The following KCNK13 variants were observed in gnomAD, a reference collection of about 807,000 sequenced individuals.
KCNK13 encodes the protein potassium two pore domain channel subfamily K member 13, also known as potassium channel subfamily K member 13.
Under a neutral mutation model 23.4 loss-of-function variants are expected in KCNK13, and 12 were observed. That is an observed-to-expected ratio of 0.51 (90% confidence interval 0.33 to 0.83). The LOEUF is 0.83. Ranked by LOEUF, KCNK13 falls within the 40% of genes least tolerant of loss-of-function variation. The pLI, the probability that KCNK13 is intolerant of heterozygous loss-of-function variation, is 0.02. For synonymous variants in KCNK13, 231 were observed against 229.5 expected (o/e 1.01, Z -0.06); for missense variants, 463 against 556.3 (o/e 0.83, Z 1.69).
chr14:90,147,346 G>A lies in KCNK13; in HGVS notation c.335-36765G>A, dbSNP rs146102867. Reference sequence around the variant, plus strand: ...TAGCTCATTGCAACCCTAAACTCCTGGGCTCAAGCGATCCCCCCTCAGCCT... The same window carrying A: ...TAGCTCATTGCAACCCTAAACTCCTAGGCTCAAGCGATCCCCCCTCAGCCT... On this transcript the variant is annotated intron_variant, in intron 1 of 1. Coordinates refer to ENST00000282146, the MANE Select transcript of KCNK13 (RefSeq NM_022054.4). Among the ~76,000 whole-genome samples the A allele has an allele frequency of 6.8e-3, 1,033 of 152,116 alleles. 12 individuals are homozygous for A. The highest frequency in any genetic ancestry group is 0.023 in the African/African-American group (951 of 41,474).
chr14:90,142,783 T>C (rs1321156004), intron 1 of KCNK13, among the ~76,000 whole-genome samples: 2 of 152,162 alleles, frequency 1.3e-5, no homozygotes. Context: ...AACAAACAGG[T>C]TTATTAACAT....
At chr14:90,141,916 G>A (rs1890012479) in intron 1 of KCNK13, among the ~76,000 whole-genome samples, 1 of 151,980 alleles carries the variant, frequency 6.6e-6, no homozygotes, top group African/African-American at 2.4e-5. Flanking sequence ...CCAAGTAGCT[G>A]GGACTACAGG....
chr14:90,174,385 C>T (rs778148701), intron 1 of KCNK13, among the ~76,000 whole-genome samples: 1 of 152,156 alleles, frequency 6.6e-6, no homozygotes, highest in African/African-American at 2.4e-5. Flanking sequence ...ATGAGAACAG[C>T]ATGGAGGAAA....
intron 1 of KCNK13, among the ~76,000 whole-genome samples, chr14:90,073,409 A>T (rs532464365): frequency 4.7e-4 from 71 of 152,138 alleles, no homozygotes; most frequent in Non-Finnish European, 5.6e-4. Flanking sequence ...CAGGACTTTC[A>T]TCTCCAATTC....
intron 1 of KCNK13, among the ~76,000 whole-genome samples, chr14:90,162,050 C>T (rs1032021440): frequency 2.4e-4 from 37 of 152,030 alleles, no homozygotes; most frequent in African/African-American, 5.1e-4. Context: ...CGTGGCAGTG[C>T]GCACCTGTGG....
In KCNK13 at chr14:90,140,887, G is replaced by A. The variant is rs58030039; in HGVS notation, c.335-43224G>A. Among the ~76,000 whole-genome samples, 1,166 of 152,326 alleles carry A rather than the reference G, an allele frequency of 7.7e-3. 7 individuals are homozygous for A. The highest frequency in any genetic ancestry group is 0.026 in the African/African-American group (1,096 of 41,558). ...AGGAAGTAAATGATGGCAACTTAAA[G>A]GCAACATGTGGCAGAGGGGACCTGA... On this transcript the variant is annotated intron_variant, in intron 1 of 1. Transcript: ENST00000282146.
chr14:90,130,451 C>T (rs1320615992), intron 1 of KCNK13, among the ~76,000 whole-genome samples: 2 of 151,860 alleles, frequency 1.3e-5, no homozygotes, highest in East Asian at 2.0e-4. Context: ...CTGCCCGCCT[C>T]GGCCTCCCAA....
intron 1 of KCNK13, among the ~76,000 whole-genome samples, chr14:90,183,174 G>T (rs1197579659): frequency 6.6e-6 from 1 of 152,156 alleles, no homozygotes; most frequent in Non-Finnish European, 1.5e-5. Context: ...CAGGAGGGTG[G>T]AAATGTGAAC....
intron 1 of KCNK13, among the ~76,000 whole-genome samples, chr14:90,078,767 G>A (rs1469452557): frequency 6.6e-6 from 1 of 152,184 alleles, no homozygotes; most frequent in East Asian, 1.9e-4. Context: ...CTTCAATTAA[G>A]TAAGAACATT....
At chr14:90,099,781 G>T (rs895524549) in intron 1 of KCNK13, among the ~76,000 whole-genome samples, 7 of 152,192 alleles carry the variant, frequency 4.6e-5, no homozygotes, top group African/African-American at 1.7e-4. Context: ...AATTCTTCAC[G>T]AGGATCTGGG....
chr14:90,076,988 T>G (rs1364109325), intron 1 of KCNK13, among the ~76,000 whole-genome samples: 4 of 151,836 alleles, frequency 2.6e-5, no homozygotes, highest in Non-Finnish European at 5.9e-5. Context: ...CCTGGCTAAT[T>G]TTTTGTATTT....
At chr14:90,172,567 G>A (rs552772463) in intron 1 of KCNK13, among the ~76,000 whole-genome samples, 37 of 152,240 alleles carry the variant, frequency 2.4e-4, no homozygotes, top group Middle Eastern at 3.4e-3. Flanking sequence ...TTATTGTATT[G>A]TCTGAGTGGT....
At chr14:90,168,707 T>C (rs1276974269) in intron 1 of KCNK13, among the ~76,000 whole-genome samples, 1 of 152,244 alleles carries the variant, frequency 6.6e-6, no homozygotes, top group Non-Finnish European at 1.5e-5. Flanking sequence ...AGGGGATTTC[T>C]TGGCATACTA....
chr14:90,091,055 C>G (rs1158441461), intron 1 of KCNK13, among the ~76,000 whole-genome samples: 1 of 152,210 alleles, frequency 6.6e-6, no homozygotes, highest in East Asian at 1.9e-4. Context: ...CTATGTTTGA[C>G]CTCTTTCCTG....
intron 1 of KCNK13, among the ~76,000 whole-genome samples, chr14:90,073,070 C>G (rs902095347): frequency 4.6e-5 from 7 of 152,166 alleles, no homozygotes; most frequent in Admixed American, 1.3e-4. Flanking sequence ...TCCCTTCAAA[C>G]CTTACACTCT....
chr14:90,076,945 G>A (rs973817768), intron 1 of KCNK13, among the ~76,000 whole-genome samples: 2 of 151,768 alleles, frequency 1.3e-5, no homozygotes, highest in East Asian at 1.9e-4. Context: ...TCAGCCTCCC[G>A]AGTAGCTGGG....
rs776561168 is a variant in KCNK13 at position 90,185,109 on chromosome 14, G to A, written c.*106G>A. On this transcript the variant is annotated 3_prime_UTR_variant, in exon 2 of 2. Coordinates refer to ENST00000282146, the MANE Select transcript of KCNK13 (RefSeq NM_022054.4). Reference sequence around the variant, plus strand: ...CTTGGCTCTGTTCCTTCTGGGAGCTGTTCCCGGGAGCCTCCGCAAGCATCT... The same window carrying A: ...CTTGGCTCTGTTCCTTCTGGGAGCTATTCCCGGGAGCCTCCGCAAGCATCT... The A allele has an allele frequency of 9.7e-7, 1 of 1,029,728 alleles. No individual in the cohort carries two copies. The highest frequency in any genetic ancestry group is 1.3e-6 in the Non-Finnish European group (1 of 741,852). 63.8% of individuals were successfully genotyped at this position (1,029,728 alleles called of 1,614,324 possible). A position where few individuals can be genotyped will look rare whatever the true frequency, so the allele number is the denominator to read the frequency against.
chr14:90,126,880 A>G (rs1004272993), intron 1 of KCNK13, among the ~76,000 whole-genome samples: 6 of 152,082 alleles, frequency 3.9e-5, no homozygotes, highest in Non-Finnish European at 7.4e-5. Context: ...GCAAATTCCA[A>G]TTGAGGGACA....
chr14:90,177,887 G>C (rs761319414), intron 1 of KCNK13, among the ~76,000 whole-genome samples: 1 of 152,140 alleles, frequency 6.6e-6, no homozygotes, highest in Non-Finnish European at 1.5e-5. Context: ...GCAGCCAAAA[G>C]CATTTTAATT....
Sources: allele counts gnomAD v4.1 joint callset (sites outside exome capture counted in the v4.1 genomes callset), GRCh38; gene constraint gnomAD v4.1.1; transcripts MANE v1.5; gene names NCBI Gene and HGNC (gene_info 2026-07-23, HGNC 2026-07-21).